The following ATP11C variants were observed in gnomAD, a reference collection of about 807,000 sequenced individuals.
The protein encoded by ATP11C is ATPase phospholipid transporting 11C (ATP11C blood group).
ATP11C carries 36 observed loss-of-function variants against 97.4 expected under a neutral mutation model. The observed-to-expected ratio is 0.37, with a 90% CI of 0.28 to 0.49. ATP11C has a LOEUF of 0.49. ATP11C is among the 20% of genes least tolerant of loss of function. ATP11C has a pLI of 0.98. For missense variants in ATP11C, 730 were observed against 824.6 expected (o/e 0.89, Z 1.40); for synonymous variants, 275 against 290.9 (o/e 0.95, Z 0.56).
chrX:139,934,334 C>T (rs1394639404), upstream of ATP11C, among the ~76,000 whole-genome samples: 1 of 111,329 alleles, frequency 9.0e-6, no homozygotes, highest in Non-Finnish European at 1.9e-5. Flanking sequence ...TCCTAACTGC[C>T]AAGAAGTAAA....
chrX:139,843,728 C>T (rs1384731694), intron 1 of ATP11C, among the ~76,000 whole-genome samples: 1 of 111,188 alleles, frequency 9.0e-6, no homozygotes, highest in African/African-American at 3.3e-5. Context: ...AGCTCCTTAA[C>T]CATGTGATGT....
chrX:139,865,545 A>AGGTCAAGAG (rs1044020792), intron 1 of ATP11C, among the ~76,000 whole-genome samples: 23 of 110,742 alleles, frequency 2.1e-4, no homozygotes, highest in Non-Finnish European at 3.8e-5. Context: ...GCGGATCACG[A>AGGTCAAGAG]GGTCAAGAGA....
intron 1 of ATP11C, among the ~76,000 whole-genome samples, chrX:139,921,814 GGTAAC>G (rs752026852): frequency 1.1e-4 from 12 of 110,851 alleles, no homozygotes; most frequent in Admixed American, 1.9e-4. Flanking sequence ...ATTTAAGCAG[GGTAAC>G]TAAGTAAGCA....
intron 25 of ATP11C, 48 bp from the exon 26 acceptor site, chrX:139,743,672 T>C (rs752296118): frequency 4.7e-5 from 36 of 772,199 alleles, no homozygotes; most frequent in Non-Finnish European, 6.5e-5. Flanking sequence ...ACAAGTATTA[T>C]CTTAGTATTT....
At chrX:139,907,548 A>C (rs1413127328) in intron 1 of ATP11C, among the ~76,000 whole-genome samples, 1 of 110,383 alleles carries the variant, frequency 9.1e-6, no homozygotes, top group Non-Finnish European at 1.9e-5. Flanking sequence ...GGAGATCGAG[A>C]CCATCCTGGC....
At chrX:139,737,454 A>G (rs1399488988) in intron 28 of ATP11C, among the ~76,000 whole-genome samples, 3 of 110,835 alleles carry the variant, frequency 2.7e-5, no homozygotes, top group African/African-American at 9.8e-5. Flanking sequence ...CAGGGCTAGA[A>G]GCAACGCAGA....
intron 1 of ATP11C, among the ~76,000 whole-genome samples, chrX:139,857,271 A>G (rs1033716915): frequency 9.0e-6 from 1 of 111,714 alleles, no homozygotes; most frequent in Non-Finnish European, 1.9e-5. Context: ...AAAACAACTA[A>G]GCTAAGACAT....
chrX:139,779,931 T>C (rs2082417822), intron 18 of ATP11C, among the ~76,000 whole-genome samples: 1 of 111,693 alleles, frequency 9.0e-6, no homozygotes, highest in Admixed American at 9.5e-5. Context: ...TATGAACATA[T>C]CTACGAGCAC....
intron 1 of ATP11C, among the ~76,000 whole-genome samples, chrX:139,861,098 G>C (rs968457115): frequency 8.9e-6 from 1 of 112,006 alleles, no homozygotes; most frequent in Non-Finnish European, 1.9e-5. Context: ...CACAGAATAT[G>C]GGACTGTGAT....
intron 24 of ATP11C, among the ~76,000 whole-genome samples, chrX:139,749,722 T>C (rs979465404): frequency 2.7e-5 from 3 of 112,003 alleles, no homozygotes; most frequent in African/African-American, 9.7e-5. Flanking sequence ...CTTTTTTTCT[T>C]TGCAGTTAAA....
At chrX:139,812,447 A>G (rs1306261732) in intron 5 of ATP11C, among the ~76,000 whole-genome samples, 2 of 111,136 alleles carry the variant, frequency 1.8e-5, no homozygotes, top group Admixed American at 1.9e-4. Flanking sequence ...GAGATGTAAG[A>G]GGCCTTTGCC....
chrX:139,775,046 A>G (rs2082323324), intron 18 of ATP11C, 93 bp from the exon 19 acceptor site: 2 of 933,024 alleles, frequency 2.1e-6, no homozygotes, highest in Non-Finnish European at 2.9e-6. Flanking sequence ...TATAATTCAC[A>G]GCAATTCTAG....
intron 1 of ATP11C, among the ~76,000 whole-genome samples, chrX:139,864,428 T>G: frequency 8.9e-6 from 1 of 112,389 alleles, no homozygotes; most frequent in Non-Finnish European, 1.9e-5. Flanking sequence ...GTACATTTTC[T>G]TGTTCAAGTG....
chrX:139,846,752 G>C (rs1035311687), intron 1 of ATP11C, among the ~76,000 whole-genome samples: 5 of 111,277 alleles, frequency 4.5e-5, no homozygotes, highest in Non-Finnish European at 9.4e-5. Flanking sequence ...GACTGAAACA[G>C]ACTGATACTA....
At chrX:139,856,648 T>C (rs766622918) in intron 1 of ATP11C, among the ~76,000 whole-genome samples, 7 of 112,376 alleles carry the variant, frequency 6.2e-5, no homozygotes, top group Admixed American at 3.8e-4. Flanking sequence ...TTAGATGCAA[T>C]TGGAGTCCCA....
rs779113604 is a variant in ATP11C, at chrX:139,729,829, T to A, written c.*4-867A>T. 2.7e-5 allele frequency among the ~76,000 whole-genome samples: 3 copies of A among 112,207 alleles called. No homozygotes were observed. In the South Asian group the frequency reaches 1.1e-3, roughly 42 times the overall value. ...GTGGAAGGTCTTAAGTAGTATGCTA[T>A]TTTCTTCCCATTCTGGGACACCTCC... On this transcript the variant is annotated intron_variant, in intron 29 of 29. Transcript: ENST00000682941.
Position 139,731,691 on chromosome X carries a change from A to T in ATP11C, c.3353T>A (p.Leu1118His), listed in dbSNP as rs141323884. ...LSARPSVRPL[L>H]LRTFSDESNV... The stretch of plus-strand genomic sequence containing the variant: ...AGATTCGTCTGAGAATGTTCGTAAA[A>T]GAAGAGGTCTGACTGAAGGTCTGGC... Residue 1118 changes from leucine (L) to histidine (H), a missense_variant, in exon 29 of 30, where the codon CTT (leucine) becomes CAT (histidine). Coordinates refer to ENST00000682941, the MANE Select transcript of ATP11C (RefSeq NM_001353812.2). 3 of 1,194,431 alleles carry T rather than the reference A, an allele frequency of 2.5e-6. No individual in the cohort carries two copies. In the African/African-American group the frequency reaches 5.3e-5, roughly 21 times the overall value.
chrX:139,800,020 C>T (rs759726457), intron 8 of ATP11C, 40 bp downstream of exon 8: 7 of 552,529 alleles, frequency 1.3e-5, no homozygotes, highest in East Asian at 9.5e-5. Context: ...TAGACCCCCC[C>T]CCCCAACCAA....
chrX:139,729,122 T>G (rs975515902), intron 29 of ATP11C, among the ~76,000 whole-genome samples, 160 bp from the exon 30 acceptor site: 2 of 111,319 alleles, frequency 1.8e-5, no homozygotes, highest in Non-Finnish European at 3.8e-5. Context: ...AAAAAAAGAG[T>G]GACACTATAA....
Sources: gnomAD v4.1 joint callset for allele counts (sites outside exome capture counted in the v4.1 genomes callset) on GRCh38, gnomAD v4.1.1 for gene constraint, MANE v1.5 for transcripts, NCBI Gene and HGNC (gene_info 2026-07-23, HGNC 2026-07-21) for gene names.